The following EBF4 variants were observed in gnomAD, a reference collection of about 807,000 sequenced individuals.
The protein encoded by EBF4 is EBF transcription factor 4, also known as transcription factor COE4.
Under a neutral mutation model 67.1 loss-of-function variants are expected in EBF4, and 34 were observed. The observed-to-expected ratio is 0.51, with a 90% CI of 0.39 to 0.67. The LOEUF (loss-of-function observed/expected upper bound fraction) is 0.67, where lower values mean the gene tolerates loss of function less well. Ranked by LOEUF, EBF4 falls within the 30% of genes least tolerant of loss-of-function variation. EBF4 has a pLI of 0.00. For synonymous variants in EBF4, 387 were observed against 377.7 expected (o/e 1.02, Z -0.29); for missense variants, 837 against 873.3 (o/e 0.96, Z 0.52).
rs758133887 is a variant in EBF4, at chr20:2,705,541, C to A, written c.138-36C>A. ...CGCTGGAGTCTTTCTCACTGGGGGG[C>A]CTTCCAGTGGTTTTCCAGCTCTTTT... On this transcript the variant is annotated intron_variant, in intron 1 of 16. Transcript: ENST00000609451. 2.0e-5 allele frequency: 31 copies of A among 1,551,406 alleles called. No homozygotes were observed. In the Middle Eastern group the frequency reaches 6.7e-4, roughly 33 times the overall value.
intron 6 of EBF4, among the ~76,000 whole-genome samples, chr20:2,719,591 G>C (rs2087653141): frequency 6.6e-6 from 1 of 152,094 alleles, no homozygotes; most frequent in Non-Finnish European, 1.5e-5. Context: ...TTTTTGTAGA[G>C]ACGAGGTCTC....
In EBF4 at chr20:2,713,038, G is replaced by C. The variant is rs2087563665; in HGVS notation, c.557+3396G>C. Among the ~76,000 whole-genome samples the C allele has an allele frequency of 2.0e-5, 3 of 152,162 alleles. No individual in the cohort carries two copies. In the South Asian group the frequency reaches 6.2e-4, roughly 31 times the overall value. On this transcript the variant is annotated intron_variant, in intron 6 of 16. Coordinates refer to ENST00000609451, the Ensembl canonical transcript of EBF4. Reference sequence around the variant, plus strand: ...AGAGAGATTGGAGACAGTGAGTAGAGGAACTCTTTTGAGTTTTGCTCTAAA... The same window carrying C: ...AGAGAGATTGGAGACAGTGAGTAGACGAACTCTTTTGAGTTTTGCTCTAAA...
chr20:2,752,012 G>A, intron 12 of EBF4, 25 bp downstream of exon 12: 1 of 1,535,198 alleles, frequency 6.5e-7, no homozygotes, highest in Non-Finnish European at 8.8e-7. Flanking sequence ...CCCTCCCAGC[G>A]CCGCCGGGAC....
At chr20:2,697,723 G>C (rs931789755) in intron 1 of EBF4, among the ~76,000 whole-genome samples, 1 of 152,042 alleles carries the variant, frequency 6.6e-6, no homozygotes, top group East Asian at 1.9e-4. Flanking sequence ...CCAACAGGAC[G>C]TTATCTCTGA....
In EBF4 at chr20:2,693,801, C is replaced by T; in HGVS notation, c.137+19C>T. The T allele has an allele frequency of 1.6e-6, 2 of 1,275,084 alleles. No individual in the cohort carries two copies. The highest frequency in any genetic ancestry group is 3.1e-5 in the East Asian group (1 of 31,772). 79.0% of individuals were successfully genotyped at this position (1,275,084 alleles called of 1,614,324 possible). On this transcript the variant is annotated intron_variant, in intron 1 of 16. Coordinates refer to ENST00000609451, the Ensembl canonical transcript of EBF4. This position sits in a 1 kb window ranked among gnomAD's most constrained non-coding sequence, Gnocchi z 4.6. ...CGCAGAGGTAAGCGCTCGGACCGGA[C>T]CCGGTGCGCTCGGGTTGGACGGCTG...
Position 2,716,524 on chromosome 20 carries a change from C to T in EBF4, c.557+6882C>T, listed in dbSNP as rs1400681517. Among the ~76,000 whole-genome samples, 6 of 138,386 alleles carry T rather than the reference C, an allele frequency of 4.3e-5. No individual in the cohort carries two copies. The East Asian group carries it at 6.3e-4, about 14-fold the overall frequency. 90.8% of individuals were successfully genotyped at this position (138,386 alleles called of 152,430 possible). On this transcript the variant is annotated intron_variant, in intron 6 of 16. Transcript: ENST00000609451. ...AGCCTGGGCGACAAGAGTGAAACTC[C>T]GTCTCAAAAAAAAAAAAAAAAATTC...
chr20:2,706,448 C>G (rs1053411154), intron 4 of EBF4, among the ~76,000 whole-genome samples, 184 bp downstream of exon 4: 2 of 152,132 alleles, frequency 1.3e-5, no homozygotes, highest in African/African-American at 4.8e-5. Flanking sequence ...GCCCTCTGTT[C>G]TAGAAAAGAC....
At chr20:2,729,193 A>T (rs1376243966) in intron 6 of EBF4, among the ~76,000 whole-genome samples, 1 of 151,858 alleles carries the variant, frequency 6.6e-6, no homozygotes, top group African/African-American at 2.4e-5. Context: ...CAAAAAAAAA[A>T]GGTTAAGAAC....
In EBF4 at chr20:2,707,450, G is replaced by C. The variant is rs982248161; in HGVS notation, c.415-497G>C. 1.1e-4 allele frequency among the ~76,000 whole-genome samples: 16 copies of C among 152,146 alleles called. No homozygotes were observed. The highest frequency in any genetic ancestry group is 2.9e-5 in the Non-Finnish European group (2 of 68,006). The stretch of plus-strand genomic sequence containing the variant: ...GGATGGTATGGGGGAAGAGGCGATA[G>C]TTATCTAGGGGGAAGAGGCAGCTGT... On this transcript the variant is annotated intron_variant, in intron 4 of 16. Coordinates refer to ENST00000609451, the Ensembl canonical transcript of EBF4. This position sits in a 1 kb window ranked among gnomAD's most constrained non-coding sequence, Gnocchi z 4.6.
At chr20:2,704,125 T>TAGTCTATTGACCCTAACCCTAACCCTAAC (rs2087416948) in intron 1 of EBF4, among the ~76,000 whole-genome samples, 1 of 152,132 alleles carries the variant, frequency 6.6e-6, no homozygotes, top group Admixed American at 6.6e-5. Flanking sequence ...ACTCCTGCCA[T>TAGTCTATTGACCCTAACCCTAACCCTAAC]AGTCTATTGA....
upstream of EBF4, chr20:2,692,821 C>T: frequency 6.3e-6 from 1 of 159,610 alleles, no homozygotes; most frequent in Non-Finnish European, 1.3e-5. The surrounding 1 kb of genome is among the most constrained non-coding windows in gnomAD (Gnocchi z 6.4). Flanking sequence ...GCGGCGGCGG[C>T]GGCGGCGGCG....
intron 6 of EBF4, among the ~76,000 whole-genome samples, chr20:2,742,132 G>A (rs2087977172): frequency 6.6e-6 from 1 of 152,210 alleles, no homozygotes; most frequent in Non-Finnish European, 1.5e-5. Context: ...GCCCCACTTA[G>A]AAGGACTTCT....
chr20:2,715,751 T>A (rs2087600106), intron 6 of EBF4, among the ~76,000 whole-genome samples: 1 of 152,168 alleles, frequency 6.6e-6, no homozygotes, highest in Non-Finnish European at 1.5e-5. Context: ...GCTTATTTAT[T>A]TATTTATTTA....
intron 6 of EBF4, among the ~76,000 whole-genome samples, chr20:2,725,826 A>G (rs893293414): frequency 7.2e-5 from 11 of 152,204 alleles, no homozygotes; most frequent in African/African-American, 2.7e-4. Context: ...ATTTGCCACA[A>G]GTACAGTTCT....
Position 2,744,492 on chromosome 20 carries a change from C to CTTT in EBF4, c.558-4042_558-4040dup, listed in dbSNP as rs35298353. Among the ~76,000 whole-genome samples the CTTT allele has an allele frequency of 2.1e-3, 241 of 115,876 alleles. 14 individuals carry two copies. Among genetic ancestry groups the CTTT allele is most frequent in the South Asian group, 0.02 (74 of 3,642 alleles). The allele number at this position is 115,876 out of a possible 152,430, so 76.0% of individuals were successfully genotyped here. A position where few individuals can be genotyped will look rare whatever the true frequency, so the allele number is the denominator to read the frequency against. ...CTTTTCTTTTTTCTTTTTTTCTTTT[C>CTTT]TTTTTTTTTTTTTTTTTGAGACAGG... On this transcript the variant is annotated intron_variant, in intron 6 of 16. Transcript: ENST00000609451.
intron 5 of EBF4, among the ~76,000 whole-genome samples, chr20:2,708,532 GGCAGT>G (rs1361806804): frequency 6.6e-6 from 1 of 152,198 alleles, no homozygotes; most frequent in Non-Finnish European, 1.5e-5. Context: ...GGTCCTCGGA[GGCAGT>G]TCCTGATGCA....
intron 6 of EBF4, among the ~76,000 whole-genome samples, chr20:2,714,697 T>C (rs1331703971): frequency 6.6e-6 from 1 of 152,196 alleles, no homozygotes; most frequent in Non-Finnish European, 1.5e-5. Flanking sequence ...AAAAACTGAT[T>C]TGTAGGAGTG....
intron 6 of EBF4, among the ~76,000 whole-genome samples, chr20:2,742,567 A>G (rs1313131141): frequency 6.6e-6 from 1 of 152,112 alleles, no homozygotes; most frequent in Non-Finnish European, 1.5e-5. Context: ...TTAGGAAGCC[A>G]TGCCCTCCAA....
At chr20:2,728,076 G>A (rs568806292) in intron 6 of EBF4, among the ~76,000 whole-genome samples, 1 of 152,244 alleles carries the variant, frequency 6.6e-6, no homozygotes, top group East Asian at 1.9e-4. Context: ...TTAACCTGGA[G>A]GAAATGGAAT....
Sources: gnomAD v4.1 joint callset for allele counts (sites outside exome capture counted in the v4.1 genomes callset) on GRCh38, gnomAD v4.1.1 for gene constraint, Gnocchi (gnomAD v3.1) non-coding constraint, MANE v1.5 for transcripts, NCBI Gene and HGNC (gene_info 2026-07-23, HGNC 2026-07-21) for gene names.